USO1: variants seen among roughly 807,000 people sequenced by gnomAD.
USO1 encodes USO1 vesicle transport factor, also known as general vesicular transport factor p115.
USO1 carries 57 observed loss-of-function variants against 124.5 expected under a neutral mutation model. The ratio of observed to expected loss-of-function variants is 0.46; its 90% CI spans 0.37 to 0.57. The LOEUF (loss-of-function observed/expected upper bound fraction) is 0.57, where lower values mean the gene tolerates loss of function less well. Among genes scored for constraint, USO1 ranks in the 20% least tolerant of loss-of-function variants. USO1 has a pLI of 0.00. For missense variants in USO1, 900 were observed against 1,040.6 expected (o/e 0.86, Z 1.86); for synonymous variants, 369 against 362.8 (o/e 1.02, Z -0.19).
Position 75,810,305 on chromosome 4 carries a change from TA to T in USO1, c.2476-125del. The T allele has an allele frequency of 3.7e-6, 4 of 1,067,602 alleles. No individual in the cohort carries two copies. The South Asian group carries it at 6.0e-5, about 16-fold the overall frequency. 66.1% of individuals were successfully genotyped at this position (1,067,602 alleles called of 1,614,324 possible). On this transcript the variant is annotated intron_variant, in intron 21 of 23. Coordinates refer to ENST00000514213, the MANE Select transcript of USO1 (RefSeq NM_003715.4). ...GAGCACTTTGTTGCACATAAATACA[TA>T]AGGAATTATATTTTCTGTTAGTGAA...
chr4:75,791,887 TGG>T (rs1284881110), intron 12 of USO1, among the ~76,000 whole-genome samples: 2 of 152,194 alleles, frequency 1.3e-5, no homozygotes, highest in East Asian at 1.9e-4. Context: ...GATCAAAATG[TGG>T]CATTTCCTTA....
intron 1 of USO1, among the ~76,000 whole-genome samples, chr4:75,751,343 C>T (rs1446162883): frequency 6.6e-6 from 1 of 150,398 alleles, no homozygotes; most frequent in Admixed American, 6.6e-5. Context: ...TCCCAAGTAG[C>T]TGGGACTACA....
chr4:75,728,392 G>A (rs1577919104), intron 1 of USO1, among the ~76,000 whole-genome samples: 1 of 152,224 alleles, frequency 6.6e-6, no homozygotes, highest in Non-Finnish European at 1.5e-5. Context: ...GGAGGCCAAG[G>A]CAGATGGAGC....
At chr4:75,780,460 G>C (rs1416685590) in intron 8 of USO1, among the ~76,000 whole-genome samples, 1 of 150,940 alleles carries the variant, frequency 6.6e-6, no homozygotes, top group Non-Finnish European at 1.5e-5. Flanking sequence ...TTTTAGTAGA[G>C]ATGGGGCTTC....
chr4:75,724,979 A>T, intron 1 of USO1, 94 bp downstream of exon 1: 2 of 1,406,304 alleles, frequency 1.4e-6, no homozygotes, highest in Non-Finnish European at 2.0e-6. Flanking sequence ...CCAGCGTCCC[A>T]CCATGGAGGG....
intron 14 of USO1, 68 bp from the exon 15 acceptor site, chr4:75,800,283 A>G (rs1577970639): frequency 1.3e-6 from 2 of 1,494,676 alleles, no homozygotes; most frequent in South Asian, 2.6e-5. Flanking sequence ...GTATTAATGT[A>G]TGTCAAATTC....
At chr4:75,762,647 G>T (rs1396895072) in intron 4 of USO1, among the ~76,000 whole-genome samples, 2 of 152,088 alleles carry the variant, frequency 1.3e-5, no homozygotes, top group African/African-American at 4.8e-5. Context: ...ACATGTACCT[G>T]GCCAGGTACG....
At chr4:75,804,589 A>G (rs1178259203) in intron 18 of USO1, among the ~76,000 whole-genome samples, 1 of 152,152 alleles carries the variant, frequency 6.6e-6, no homozygotes, top group African/African-American at 2.4e-5. Context: ...AGTGTTTCTG[A>G]TTTAATAAAT....
At chr4:75,735,637 C>T (rs1031780941) in intron 1 of USO1, among the ~76,000 whole-genome samples, 7 of 152,150 alleles carry the variant, frequency 4.6e-5, no homozygotes, top group Non-Finnish European at 1.0e-4. Context: ...CTTCCCACCT[C>T]AGCCTCCTAA....
At chr4:75,786,922 CACGA>C in intron 9 of USO1, 136 bp from the exon 10 acceptor site, 1 of 1,030,476 alleles carries the variant, frequency 9.7e-7, no homozygotes, top group Non-Finnish European at 1.3e-6. Context: ...GCCATGGGAG[CACGA>C]AAGAAAGAGC....
In USO1 at chr4:75,782,778, A is replaced by G. The variant is rs752749168; in HGVS notation, c.775A>G (p.Met259Val). The G allele has an allele frequency of 5.0e-6, 8 of 1,600,982 alleles. No homozygotes were observed. Among genetic ancestry groups the G allele is most frequent in the East Asian group, 2.2e-5 (1 of 44,668 alleles). Residue 259 changes from methionine to valine, a missense_variant, in exon 9 of 24, where the codon ATG (methionine) becomes GTG (valine). Around this residue, in one of 2 missense-constraint regions of USO1, gnomAD observed 538 missense variants for 681.6 expected, o/e 0.79. Transcript: ENST00000514213. ...FFKEGSYIQR[M>V]KPWFEVGDEN... Reference sequence around the variant, plus strand: ...TAAAGAAGGCTCATATATTCAACGTATGAAACCTTGGTTTGAAGTTGGAGA... The same window carrying G: ...TAAAGAAGGCTCATATATTCAACGTGTGAAACCTTGGTTTGAAGTTGGAGA...
chr4:75,758,587 A>G (rs1249496647), intron 4 of USO1, among the ~76,000 whole-genome samples: 3 of 152,146 alleles, frequency 2.0e-5, no homozygotes, highest in African/African-American at 7.2e-5. Context: ...TCCTTTTTAA[A>G]AAACTTTTAT....
intron 13 of USO1, among the ~76,000 whole-genome samples, chr4:75,798,724 C>T (rs1722759764): frequency 6.6e-6 from 1 of 151,944 alleles, no homozygotes; most frequent in Non-Finnish European, 1.5e-5. Flanking sequence ...TAAATTCATT[C>T]CTTGTCTAGA....
intron 9 of USO1, among the ~76,000 whole-genome samples, chr4:75,786,646 T>G (rs909780650): frequency 1.3e-5 from 2 of 152,168 alleles, no homozygotes; most frequent in African/African-American, 4.8e-5. Flanking sequence ...TATTTCCAGT[T>G]TAGGGGAGAT....
chr4:75,810,309 G>A lies in USO1; in HGVS notation c.2476-123G>A, dbSNP rs1350536868. On this transcript the variant is annotated intron_variant, in intron 21 of 23. Coordinates refer to ENST00000514213, the MANE Select transcript of USO1 (RefSeq NM_003715.4). The stretch of plus-strand genomic sequence containing the variant: ...ACTTTGTTGCACATAAATACATAAG[G>A]AATTATATTTTCTGTTAGTGAAAGT... The A allele has an allele frequency of 2.7e-6, 3 of 1,106,264 alleles. No homozygotes were observed. The East Asian group carries it at 8.4e-5, about 31-fold the overall frequency. 68.5% of individuals were successfully genotyped at this position (1,106,264 alleles called of 1,614,324 possible).
chr4:75,808,729 G>T (rs1577976574), intron 20 of USO1, among the ~76,000 whole-genome samples: 4 of 120,626 alleles, frequency 3.3e-5, no homozygotes, highest in Admixed American at 1.0e-4. Context: ...CTCCCTTCCT[G>T]TCTTTTATGA....
At chr4:75,807,902 T>G (rs1723040597) in intron 20 of USO1, among the ~76,000 whole-genome samples, 1 of 152,094 alleles carries the variant, frequency 6.6e-6, no homozygotes, top group Non-Finnish European at 1.5e-5. Flanking sequence ...ATATGTATTT[T>G]TTAAGTGACA....
At chr4:75,806,419 TTC>T in intron 19 of USO1, 65 bp from the exon 20 acceptor site, 7 of 1,483,454 alleles carry the variant, frequency 4.7e-6, no homozygotes, top group Non-Finnish European at 6.3e-6. Flanking sequence ...ATGTGTACAG[TTC>T]TGTTTTTTTT....
intron 13 of USO1, among the ~76,000 whole-genome samples, chr4:75,796,341 CTTT>C (rs533041107): frequency 9.8e-6 from 1 of 102,064 alleles, no homozygotes. Flanking sequence ...CCATCATGCT[CTTT>C]TTTTTTTTTG....
Sources: allele counts gnomAD v4.1 joint callset (sites outside exome capture counted in the v4.1 genomes callset), GRCh38; gene constraint gnomAD v4.1.1; regional missense constraint gnomAD v4.1.1; transcripts MANE v1.5; gene names NCBI Gene and HGNC (gene_info 2026-07-23, HGNC 2026-07-21).